Variants in SHOC1 observed in about 807,000 individuals in gnomAD.
SHOC1 encodes the protein shortage in chiasmata 1, also known as protein shortage in chiasmata 1 ortholog.
A neutral mutation model predicts 179.2 loss-of-function variants in SHOC1; 136 were observed. The ratio of observed to expected loss-of-function variants is 0.76; its 90% CI spans 0.66 to 0.87. The LOEUF (loss-of-function observed/expected upper bound fraction) is 0.87. SHOC1 is among the 40% of genes least tolerant of loss of function. The probability of loss-of-function intolerance (pLI) is 0.00; values close to 1 mark genes in which losing one functional copy is unlikely to be tolerated. For missense variants in SHOC1, 1,538 were observed against 1,700.8 expected (o/e 0.90, Z 1.68); for synonymous variants, 489 against 586.6 (o/e 0.83, Z 2.41).
chr9:111,729,103 G>T (rs538583652), intron 12 of SHOC1, among the ~76,000 whole-genome samples: 4 of 145,588 alleles, frequency 2.7e-5, no homozygotes, highest in South Asian at 4.4e-4. Flanking sequence ...TTGCAAAGGT[G>T]GGGGGTTCTT....
At chr9:111,735,499 G>C (rs536466772) in intron 12 of SHOC1, among the ~76,000 whole-genome samples, 2 of 152,062 alleles carry the variant, frequency 1.3e-5, no homozygotes, top group Admixed American at 6.6e-5. Flanking sequence ...CCATGTCTCT[G>C]CAAAGGACAT....
At chr9:111,736,409 C>T (rs758505904) in intron 12 of SHOC1, among the ~76,000 whole-genome samples, 8 of 152,222 alleles carry the variant, frequency 5.3e-5, no homozygotes, top group Non-Finnish European at 7.4e-5. Context: ...GAATTAAAGT[C>T]GCACACCTAC....
At chr9:111,742,279 A>C (rs1344702097) in intron 10 of SHOC1, among the ~76,000 whole-genome samples, 1 of 152,222 alleles carries the variant, frequency 6.6e-6, no homozygotes, top group African/African-American at 2.4e-5. Context: ...TACCATGCAC[A>C]TAGCAACCTC....
At chr9:111,687,819 C>T (rs1042978633) in intron 27 of SHOC1, among the ~76,000 whole-genome samples, 29 of 148,918 alleles carry the variant, frequency 1.9e-4, no homozygotes, top group African/African-American at 7.2e-4. Flanking sequence ...CTTTTTTTCA[C>T]TTGGGCTAAT....
chr9:111,751,915 A>T (rs1238573423), intron 8 of SHOC1, among the ~76,000 whole-genome samples: 1 of 152,214 alleles, frequency 6.6e-6, no homozygotes, highest in Admixed American at 6.5e-5. Flanking sequence ...CTAGTATATA[A>T]AACAGAATGG....
intron 9 of SHOC1, among the ~76,000 whole-genome samples, chr9:111,747,372 A>T (rs1338925830): frequency 6.6e-6 from 1 of 152,198 alleles, no homozygotes; most frequent in African/African-American, 2.4e-5. Context: ...AATAATGATG[A>T]CATAGAGAAC....
intron 4 of SHOC1, among the ~76,000 whole-genome samples, chr9:111,779,275 A>G (rs1835948909): frequency 1.3e-5 from 2 of 152,116 alleles, no homozygotes; most frequent in African/African-American, 4.8e-5. Context: ...ACAGACAGAA[A>G]GTAGATTCTG....
At chr9:111,719,855 T>G (rs895259810) in intron 15 of SHOC1, among the ~76,000 whole-genome samples, 1 of 152,180 alleles carries the variant, frequency 6.6e-6, no homozygotes, top group African/African-American at 2.4e-5. Flanking sequence ...TGTTTTTCAT[T>G]TGTAAAAGAG....
rs148532264 is a variant in SHOC1, at chr9:111,719,899, G to A, written c.2132-1611C>T. The stretch of plus-strand genomic sequence containing the variant: ...TTTAAAAAATATATAGGACATCTAA[G>A]TTTAATGAATTTAGAAAACAGACTT... On this transcript the variant is annotated intron_variant, in intron 15 of 27. Coordinates refer to ENST00000682961, the MANE Select transcript of SHOC1 (RefSeq NM_001378211.1). Among the ~76,000 whole-genome samples the A allele has an allele frequency of 3.0e-3, 453 of 152,284 alleles. 2 individuals are homozygous for A. The highest frequency in any genetic ancestry group is 9.8e-3 in the African/African-American group (406 of 41,566).
chr9:111,772,342 C>G (rs1835647729), intron 5 of SHOC1, among the ~76,000 whole-genome samples: 1 of 152,138 alleles, frequency 6.6e-6, no homozygotes, highest in South Asian at 2.1e-4. Context: ...TTAGAGATCA[C>G]TGAATTTCCT....
intron 3 of SHOC1, among the ~76,000 whole-genome samples, chr9:111,784,788 T>C (rs1008787349): frequency 3.3e-5 from 5 of 152,150 alleles, no homozygotes; most frequent in Non-Finnish European, 5.9e-5. Context: ...ACTTCCTGGT[T>C]CATGGGTGGC....
rs1345169119 is a variant in SHOC1 at position 111,694,278 on chromosome 9, G to C, written c.3268C>G (p.Pro1090Ala). 6.2e-7 allele frequency: 1 copy of C among 1,611,322 alleles called. No homozygotes were observed. The highest frequency in any genetic ancestry group is 8.5e-7 in the Non-Finnish European group (1 of 1,178,238). ...CAGGATTTATCCAACCATTCATGAG[G>C]ATCTCTCTTTGAGGTCATTAAACTG... is the stretch of plus-strand genomic sequence containing the variant. The part of the protein sequence containing the change: ...DHSLMTSKRD[P>A]HEWLDKSWLK... Residue 1090 changes from proline to alanine, a missense_variant, in exon 25 of 28, where the codon CCT (proline) becomes GCT (alanine). Coordinates refer to ENST00000682961, the MANE Select transcript of SHOC1 (RefSeq NM_001378211.1).
Position 111,707,909 on chromosome 9 carries a change from A to G in SHOC1, c.2504T>C (p.Val835Ala). 3.8e-6 allele frequency: 6 copies of G among 1,579,396 alleles called. No individual in the cohort carries two copies. The highest frequency in any genetic ancestry group is 5.2e-6 in the Non-Finnish European group (6 of 1,164,824). Residue 835 changes from valine to alanine, a missense_variant, in exon 19 of 28, where the codon GTC becomes GCC. Val to Ala is a moderately conservative substitution (Grantham distance 64). Transcript: ENST00000682961. ...ATCTTTTCTTTCATTTGAATGAAGG[A>G]CAGTCAGTGTTAAACCTGTTGGAAA... ...LNKIEGLTLT[V>A]LHSNERKDFL...
At chr9:111,710,702 C>G (rs1832503416) in intron 18 of SHOC1, among the ~76,000 whole-genome samples, 1 of 152,040 alleles carries the variant, frequency 6.6e-6, no homozygotes, top group Non-Finnish European at 1.5e-5. Context: ...ACATAATGGC[C>G]TGAGAGCACA....
At chr9:111,748,893 G>T in intron 8 of SHOC1, among the ~76,000 whole-genome samples, 1 of 115,810 alleles carries the variant, frequency 8.6e-6, no homozygotes, top group African/African-American at 3.3e-5. Flanking sequence ...TTTATCTTTT[G>T]GCTTTCTTTC....
chr9:111,748,284 A>T (rs1834382278), intron 8 of SHOC1, 85 bp from the exon 9 acceptor site: 2 of 920,384 alleles, frequency 2.2e-6, no homozygotes, highest in African/African-American at 3.3e-5. Flanking sequence ...TTCCTTTTAA[A>T]GTATCTTTAT....
At chr9:111,740,941 G>A (rs1304152679) in intron 11 of SHOC1, among the ~76,000 whole-genome samples, 1 of 152,120 alleles carries the variant, frequency 6.6e-6, no homozygotes, top group Non-Finnish European at 1.5e-5. Context: ...AGGCTGGAGC[G>A]CAATGGCGCC....
chr9:111,706,246 A>G (rs1832268671), intron 20 of SHOC1, among the ~76,000 whole-genome samples: 1 of 152,168 alleles, frequency 6.6e-6, no homozygotes, highest in South Asian at 2.1e-4. Flanking sequence ...TGTCCCCTAA[A>G]AATCAATAAA....
At chr9:111,712,747 C>A (rs1337590629) in intron 18 of SHOC1, among the ~76,000 whole-genome samples, 2 of 152,114 alleles carry the variant, frequency 1.3e-5, no homozygotes, top group Non-Finnish European at 2.9e-5. Context: ...ATTTGGCATG[C>A]TACATCACCT....
Sources: allele counts gnomAD v4.1 joint callset (sites outside exome capture counted in the v4.1 genomes callset), GRCh38; gene constraint gnomAD v4.1.1; transcripts MANE v1.5; gene names NCBI Gene and HGNC (gene_info 2026-07-23, HGNC 2026-07-21).